The following ABCB5 variants were observed in gnomAD, a reference collection of about 807,000 sequenced individuals.
The protein encoded by ABCB5 is ATP-binding cassette sub-family B member 5.
In ABCB5, 155 loss-of-function variants were observed where a neutral mutation model predicts 144.2. That is an observed-to-expected ratio of 1.08 (90% CI 0.94 to 1.23). ABCB5 has a LOEUF of 1.23. Among genes scored for constraint, ABCB5 ranks in the 50% most tolerant of loss-of-function variants. The pLI is 0.00. For synonymous variants in ABCB5, 610 were observed against 528.6 expected, an observed-to-expected ratio of 1.15 and a Z score of -2.11; for missense variants, 1,830 against 1,520.8, an observed-to-expected ratio of 1.20 and a Z score of -3.38.
chr7:20,681,002 CTT>C (rs1475223568), intron 14 of ABCB5, among the ~76,000 whole-genome samples: 3,139 of 43,158 alleles, frequency 0.073, 340 homozygotes, highest in African/African-American at 0.22. Flanking sequence ...TTCTTTCTTT[CTT>C]TCTTTCTTTC....
chr7:20,735,876 G>T (rs1782365005), intron 23 of ABCB5, among the ~76,000 whole-genome samples: 1 of 152,188 alleles, frequency 6.6e-6, no homozygotes. Context: ...TTCATTGACT[G>T]ATAAGTTTCC....
In ABCB5 at chr7:20,663,145, C is replaced by T. The variant is rs143896856; in HGVS notation, c.1707+4469C>T. 1.3e-5 allele frequency among the ~76,000 whole-genome samples: 2 copies of T among 152,322 alleles called. 1 individual carries two copies. The highest frequency in any genetic ancestry group is 2.9e-5 in the Non-Finnish European group (2 of 68,034). On this transcript the variant is annotated intron_variant, in intron 14 of 27. Transcript: ENST00000404938. Reference sequence around the variant, plus strand: ...TTCTTGTAACCACCAGGCTATATTGCTTCAAGATTACACTGCCGGGAGGTG... The same window carrying T: ...TTCTTGTAACCACCAGGCTATATTGTTTCAAGATTACACTGCCGGGAGGTG...
At chr7:20,644,672 T>C in intron 7 of ABCB5, among the ~76,000 whole-genome samples, 1 of 152,230 alleles carries the variant, frequency 6.6e-6, no homozygotes, top group East Asian at 1.9e-4. Flanking sequence ...ATCTTCTAGA[T>C]AGGAGGCACA....
intron 13 of ABCB5, among the ~76,000 whole-genome samples, chr7:20,654,238 CACA>C (rs1289765152): frequency 6.6e-6 from 1 of 151,834 alleles, no homozygotes. Context: ...GTCTCTTCAA[CACA>C]ACAATTACAG....
intron 20 of ABCB5, among the ~76,000 whole-genome samples, chr7:20,720,078 G>C (rs532674579): frequency 9.9e-5 from 15 of 152,150 alleles, no homozygotes; most frequent in Admixed American, 9.8e-4. Context: ...GATCTTTGGA[G>C]AAATGACTAA....
intron 25 of ABCB5, among the ~76,000 whole-genome samples, chr7:20,745,021 C>G (rs115211433): frequency 6.6e-6 from 1 of 152,200 alleles, no homozygotes; most frequent in African/African-American, 2.4e-5. Context: ...AAGTCAGGTC[C>G]TGTTACAGTG....
At chr7:20,687,842 G>A (rs1786052663) in intron 16 of ABCB5, among the ~76,000 whole-genome samples, 1 of 152,120 alleles carries the variant, frequency 6.6e-6, no homozygotes, top group Admixed American at 6.6e-5. Context: ...CTATGATCAT[G>A]CCACTGTACC....
rs556958734 is a variant in ABCB5, at chr7:20,735,422, G to A, written c.2868-3561G>A. On this transcript the variant is annotated intron_variant, in intron 23 of 27. Transcript: ENST00000404938. ...GCCTGCACCATCATCTTTGCCCTAG[G>A]AGGCTGGGCAGCCAGGGAAGAACTG... is the stretch of plus-strand genomic sequence containing the variant. Among the ~76,000 whole-genome samples the A allele has an allele frequency of 2.0e-5, 3 of 152,356 alleles. No individual in the cohort carries two copies. The South Asian group carries it at 6.2e-4, about 32-fold the overall frequency.
At chr7:20,663,396 G>A (rs1340716835) in intron 14 of ABCB5, among the ~76,000 whole-genome samples, 1 of 152,068 alleles carries the variant, frequency 6.6e-6, no homozygotes, top group East Asian at 1.9e-4. Context: ...TACATACAAT[G>A]GAATACTACC....
intron 14 of ABCB5, among the ~76,000 whole-genome samples, chr7:20,658,890 T>C (rs923464178): frequency 1.3e-5 from 2 of 152,104 alleles, no homozygotes; most frequent in East Asian, 1.9e-4. Flanking sequence ...TAAAAATATA[T>C]ACATGAGGCT....
intron 5 of ABCB5, among the ~76,000 whole-genome samples, chr7:20,639,632 C>G (rs35613245): frequency 0.098 from 14,842 of 152,206 alleles, 771 homozygotes; most frequent in East Asian, 0.16. Flanking sequence ...GCCTTGGCAC[C>G]TTTGCTAAAA....
intron 16 of ABCB5, among the ~76,000 whole-genome samples, chr7:20,688,615 C>A (rs905433617): frequency 2.0e-5 from 3 of 152,216 alleles, no homozygotes; most frequent in African/African-American, 7.2e-5. Flanking sequence ...CATCCCATTA[C>A]TGGGTATATA....
At position 20,722,944 on chromosome 7, in the gene ABCB5, G is replaced by T. The variant is rs905610067; in HGVS notation, c.2422-72G>T. ...TTAAAAAGTCTACCTTGTTTTGCAAGGAACTATAATAGGAACTCTTGTAAA... is the reference window on the plus strand; with the variant it reads ...TTAAAAAGTCTACCTTGTTTTGCAATGAACTATAATAGGAACTCTTGTAAA... On this transcript the variant is annotated intron_variant, in intron 20 of 27. Transcript: ENST00000404938. The T allele has an allele frequency of 3.0e-6, 4 of 1,347,472 alleles. No individual in the cohort carries two copies. In the Admixed American group the frequency reaches 7.7e-5, roughly 26 times the overall value. 83.5% of individuals were successfully genotyped at this position (1,347,472 alleles called of 1,614,324 possible).
chr7:20,630,155 T>A (rs1784008174), intron 4 of ABCB5, among the ~76,000 whole-genome samples: 1 of 152,194 alleles, frequency 6.6e-6, no homozygotes, highest in Admixed American at 6.6e-5. Context: ...CTGGTGGATA[T>A]TATAAATATT....
At chr7:20,690,835 G>C (rs936260872) in intron 16 of ABCB5, among the ~76,000 whole-genome samples, 1 of 152,144 alleles carries the variant, frequency 6.6e-6, no homozygotes, top group African/African-American at 2.4e-5. Flanking sequence ...GGAGAGTGTT[G>C]TATCATAGAC....
Position 20,681,527 on chromosome 7 carries a change from T to C in ABCB5, c.1730T>C (p.Ile577Thr). 4 of 1,614,226 alleles carry C rather than the reference T, an allele frequency of 2.5e-6. No homozygotes were observed. The highest frequency in any genetic ancestry group is 3.4e-6 in the Non-Finnish European group (4 of 1,180,030). Residue 577 changes from isoleucine to threonine, a missense_variant, in exon 15 of 28, where the codon ATC (isoleucine) becomes ACC (threonine). Coordinates refer to ENST00000404938, the MANE Select transcript of ABCB5 (RefSeq NM_001163941.2). ...TAGGCGAGCAAAGGTCGGACTACAA[T>C]CGTGGTAGCACACCGACTTTCTACT... ...LEKASKGRTT[I>T]VVAHRLSTIR...
At position 20,711,765 on chromosome 7, in the gene ABCB5, CCTTTCCTTCTTTCTCTTT is replaced by C. The variant is rs1446463954; in HGVS notation, c.2421+6964_2421+6981del. Among the ~76,000 whole-genome samples the C allele has an allele frequency of 8.2e-5, 6 of 73,618 alleles. 2 individuals are homozygous for C. Among genetic ancestry groups the C allele is most frequent in the African/African-American group, 3.9e-4 (6 of 15,360 alleles). 48.3% of individuals were successfully genotyped at this position (73,618 alleles called of 152,430 possible). Reference sequence around the variant, plus strand: ...CACTGCACCCAGCCCAGCCTGCCTGCCTTTCCTTCTTTCTCTTTCTTTCTTTCTTTCTTTCTTTCTTTC... The same window carrying C: ...CACTGCACCCAGCCCAGCCTGCCTGCCTTTCTTTCTTTCTTTCTTTCTTTC... On this transcript the variant is annotated intron_variant, in intron 20 of 27. Transcript: ENST00000404938.
Position 20,738,980 on chromosome 7 carries a change from T to C in ABCB5, c.2868-3T>C, listed in dbSNP as rs1554290106. The C allele has an allele frequency of 6.3e-7, 1 of 1,587,220 alleles. No individual in the cohort carries two copies. The highest frequency in any genetic ancestry group is 1.8e-5 in the Admixed American group (1 of 54,782). ...AAGATTCAAATGCTTTATCTTTTGATAGAGTTTTTACTGCAATTGCATATG... is the reference window on the plus strand; with the variant it reads ...AAGATTCAAATGCTTTATCTTTTGACAGAGTTTTTACTGCAATTGCATATG... On this transcript the variant is annotated splice_polypyrimidine_tract_variant and splice_region_variant and intron_variant, in intron 23 of 27. Coordinates refer to ENST00000404938, the MANE Select transcript of ABCB5 (RefSeq NM_001163941.2).
intron 26 of ABCB5, among the ~76,000 whole-genome samples, chr7:20,745,862 C>T (rs936289328): frequency 6.6e-6 from 1 of 152,206 alleles, no homozygotes; most frequent in Non-Finnish European, 1.5e-5. Context: ...CCTCATGGCT[C>T]CCCTGTGCGC....
Sources: gnomAD v4.1 joint callset for allele counts (sites outside exome capture counted in the v4.1 genomes callset) on GRCh38, gnomAD v4.1.1 for gene constraint, MANE v1.5 for transcripts, NCBI Gene and HGNC (gene_info 2026-07-23, HGNC 2026-07-21) for gene names.